SPTBN4: variants seen among roughly 807,000 people sequenced by gnomAD.
SPTBN4 encodes the protein spectrin beta chain, non-erythrocytic 4.
A neutral mutation model predicts 277.8 loss-of-function variants in SPTBN4; 96 were observed. The observed-to-expected ratio is 0.35, with a 90% CI of 0.29 to 0.41. The LOEUF is 0.41. Among genes scored for constraint, SPTBN4 ranks in the 10% least tolerant of loss-of-function variants. The probability of loss-of-function intolerance (pLI) is 1.00; values close to 1 mark genes in which losing one functional copy is unlikely to be tolerated. For missense variants in SPTBN4, 3,006 were observed against 3,595.7 expected (o/e 0.84, Z 4.19); for synonymous variants, 1,481 against 1,580.3 (o/e 0.94, Z 1.49).
intron 13 of SPTBN4, among the ~76,000 whole-genome samples, chr19:40,511,677 A>G (rs1446110691): frequency 1.3e-5 from 2 of 152,156 alleles, no homozygotes; most frequent in Non-Finnish European, 2.9e-5. Context: ...GCCAAGTGGA[A>G]GGATTGCTTG....
intron 11 of SPTBN4, 94 bp from the exon 12 acceptor site, chr19:40,503,736 G>T (rs941541669): frequency 7.4e-7 from 1 of 1,345,058 alleles, no homozygotes; most frequent in Non-Finnish European, 1.0e-6. Flanking sequence ...AGTCTCCAAG[G>T]TAATGGAGTG....
chr19:40,575,031 A>T (rs1466869122), intron 35 of SPTBN4, among the ~76,000 whole-genome samples: 1 of 151,640 alleles, frequency 6.6e-6, no homozygotes, highest in Non-Finnish European at 1.5e-5. Context: ...AAAAAAAAAA[A>T]AGTCTCTTAT....
rs186266074 is a variant in SPTBN4 at position 40,510,731 on chromosome 19, A to C, written c.1817-1875A>C. 3.3e-5 allele frequency among the ~76,000 whole-genome samples: 5 copies of C among 152,312 alleles called. No individual in the cohort carries two copies. The East Asian group carries it at 9.6e-4, about 29-fold the overall frequency. ...CAGTGTCTCACTTTTATGATCCAGT[A>C]AGAAATACACAGCCAGGCAGTGGCT... On this transcript the variant is annotated intron_variant, in intron 13 of 35. Coordinates refer to ENST00000598249, the MANE Select transcript of SPTBN4 (RefSeq NM_020971.3).
In SPTBN4 at chr19:40,502,919, C is replaced by T. The variant is rs760534763; in HGVS notation, c.1348C>T (p.Arg450Cys). ...MRESWLNENQRLVSQDNFGYE... is the reference protein window; with the variant it reads ...MRESWLNENQCLVSQDNFGYE... ...GGAGAGCTGGCTGAATGAGAACCAG[C>T]GTCTGGTCTCCCAGGTACAAGGTGT... The change falls in exon 11 of 36, where the codon CGT becomes TGT. Residue 450 changes from arginine (R) to cysteine (C), a missense_variant. Physicochemically the swap from Arg to Cys is radical, Grantham distance 180. This residue lies in a region of SPTBN4 where 1,759 missense variants were observed against 2,061.5 expected (regional missense o/e 0.85). Coordinates refer to ENST00000598249, the MANE Select transcript of SPTBN4 (RefSeq NM_020971.3). This position sits in a 1 kb window ranked among gnomAD's most constrained non-coding sequence, Gnocchi z 4.9. The T allele has an allele frequency of 8.0e-5, 129 of 1,613,544 alleles. No individual in the cohort carries two copies. The highest frequency in any genetic ancestry group is 1.0e-4 in the Non-Finnish European group (123 of 1,179,946).
rs939730702 is a variant in SPTBN4 at position 40,507,292 on chromosome 19, G to A, written c.1816+906G>A. ...ATTGTGCCACTAAACTCCAGCCTGGGCAACTGGACTGAGACCCTGTCAGCA... is the reference window on the plus strand; with the variant it reads ...ATTGTGCCACTAAACTCCAGCCTGGACAACTGGACTGAGACCCTGTCAGCA... On this transcript the variant is annotated intron_variant, in intron 13 of 35. Transcript: ENST00000598249. Among the ~76,000 whole-genome samples the A allele has an allele frequency of 1.2e-4, 18 of 151,892 alleles. 1 individual carries two copies. Among genetic ancestry groups the A allele is most frequent in the African/African-American group, 4.1e-4 (17 of 41,346 alleles).
At chr19:40,503,362 G>T (rs1364784505) in intron 11 of SPTBN4, among the ~76,000 whole-genome samples, 1 of 152,032 alleles carries the variant, frequency 6.6e-6, no homozygotes, top group Non-Finnish European at 1.5e-5. Context: ...GGTTAGAGAT[G>T]TAACAGGAGG....
intron 1 of SPTBN4, among the ~76,000 whole-genome samples, chr19:40,472,285 T>A (rs552616732): frequency 6.6e-6 from 1 of 152,072 alleles, no homozygotes; most frequent in African/African-American, 2.4e-5. Context: ...GCTCAAGCAA[T>A]CCGCCCTCCT....
In SPTBN4 at chr19:40,575,797, C is replaced by T; in HGVS notation, c.*228C>T. On this transcript the variant is annotated 3_prime_UTR_variant, in exon 36 of 36. Transcript: ENST00000598249. The stretch of plus-strand genomic sequence containing the variant: ...CCCCTTCCCACTCACCACCCCCACC[C>T]CAGGTGCTGGGGGTCCCTTATTTTT... The T allele has an allele frequency of 2.3e-6, 1 of 427,294 alleles. No homozygotes were observed. Among genetic ancestry groups the T allele is most frequent in the Non-Finnish European group, 4.1e-6 (1 of 246,418 alleles). The allele number at this position is 427,294 out of a possible 1,614,324, so 26.5% of individuals were successfully genotyped here. A position where few individuals can be genotyped will look rare whatever the true frequency, so the allele number is the denominator to read the frequency against.
In SPTBN4 at chr19:40,568,110, G is replaced by A; in HGVS notation, c.6784G>A (p.Ala2262Thr). Residue 2262 changes from alanine (A) to threonine (T), a missense_variant, in exon 31 of 36, where the codon GCG becomes ACG. This residue lies in a region of SPTBN4 where 630 missense variants were observed against 677.6 expected (regional missense o/e 0.93). Transcript: ENST00000598249. ...GTCAGTCGATCAATCCGAGGAGGCT[G>A]CGCGGAGGCGGCGGCCGGAGCGGCA... ...QESVDQSEEA[A>T]RRRRPERQES... 6.4e-7 allele frequency: 1 copy of A among 1,570,154 alleles called. No individual in the cohort carries two copies. Among genetic ancestry groups the A allele is most frequent in the Non-Finnish European group, 8.6e-7 (1 of 1,157,856 alleles).
intron 18 of SPTBN4, chr19:40,530,427 G>C: frequency 1.2e-6 from 1 of 869,408 alleles, no homozygotes; most frequent in Non-Finnish European, 1.4e-6. Flanking sequence ...GCAGGCAGGG[G>C]GCGCACGCGG....
At chr19:40,472,580 A>G (rs1599703553) in intron 1 of SPTBN4, 27 bp from the exon 2 acceptor site, 2 of 1,569,892 alleles carry the variant, frequency 1.3e-6, no homozygotes, top group African/African-American at 2.7e-5. Flanking sequence ...TTGATCCTAG[A>G]CCTAACCTAC....
chr19:40,558,165 C>A (rs1029550645), intron 26 of SPTBN4, among the ~76,000 whole-genome samples: 5 of 151,924 alleles, frequency 3.3e-5, no homozygotes, highest in Non-Finnish European at 7.4e-5. Context: ...CAAGACCAGT[C>A]TGACCAACAT....
intron 1 of SPTBN4, among the ~76,000 whole-genome samples, chr19:40,470,832 C>T (rs1185650244): frequency 6.6e-6 from 1 of 151,222 alleles, no homozygotes; most frequent in Admixed American, 6.6e-5. Flanking sequence ...CGGGTTTCAC[C>T]ATGTTGGCCA....
In SPTBN4 at chr19:40,557,007, C is replaced by G. The variant is rs199711291; in HGVS notation, c.5290-16C>G. On this transcript the variant is annotated splice_polypyrimidine_tract_variant and intron_variant, in intron 25 of 35. Transcript: ENST00000598249. Reference sequence around the variant, plus strand: ...GCTCACTTTGCTGTACCCCCCCCCCCACTTCCTGATGGCAGGTGCTGCAGG... The same window carrying G: ...GCTCACTTTGCTGTACCCCCCCCCCGACTTCCTGATGGCAGGTGCTGCAGG... The G allele has an allele frequency of 7.6e-5, 116 of 1,522,596 alleles. 1 individual carries two copies. In the East Asian group the frequency reaches 2.1e-3, roughly 28 times the overall value. 94.3% of individuals were successfully genotyped at this position (1,522,596 alleles called of 1,614,324 possible).
In SPTBN4 at chr19:40,560,299, T is replaced by C. The variant is rs747815611; in HGVS notation, c.5811T>C (p.His1937=). 8.1e-6 allele frequency: 13 copies of C among 1,613,994 alleles called. No individual in the cohort carries two copies. The highest frequency in any genetic ancestry group is 1.0e-5 in the Non-Finnish European group (12 of 1,180,008). ...LLSACEDARL[H]VSSTADALRF... is the part of the protein sequence containing the mutation. ...CAGCCTGTGAGGATGCCCGCCTGCA[T>C]GTCAGCTCCACAGCCGACGCCCTGC... The change falls in exon 27 of 36, where the codon CAT becomes CAC. Residue 1937 remains histidine (H), a synonymous_variant. Coordinates refer to ENST00000598249, the MANE Select transcript of SPTBN4 (RefSeq NM_020971.3). This position sits in a 1 kb window ranked among gnomAD's most constrained non-coding sequence, Gnocchi z 5.2.
intron 34 of SPTBN4, 61 bp downstream of exon 34, chr19:40,572,253 C>T: frequency 1.2e-6 from 2 of 1,602,274 alleles, no homozygotes; most frequent in South Asian, 1.1e-5. Context: ...CCCAGTGGGA[C>T]CCTGGCTTCC....
chr19:40,550,452 C>A, intron 22 of SPTBN4, 125 bp downstream of exon 22: 1 of 803,282 alleles, frequency 1.2e-6, no homozygotes. Context: ...CTGTGGACAG[C>A]AGATACAGAT....
intron 27 of SPTBN4, among the ~76,000 whole-genome samples, chr19:40,562,735 G>A (rs2081055501): frequency 6.6e-6 from 1 of 151,878 alleles, no homozygotes; most frequent in South Asian, 2.1e-4. Context: ...TTGGGAGGCT[G>A]AGGCAGGAGA....
intron 7 of SPTBN4, among the ~76,000 whole-genome samples, chr19:40,497,950 CT>C (rs2080219076): frequency 6.6e-6 from 1 of 151,870 alleles, no homozygotes; most frequent in Admixed American, 6.6e-5. Context: ...TCCCACTCCC[CT>C]ACCCCAGCCC....
Sources: allele counts gnomAD v4.1 joint callset (sites outside exome capture counted in the v4.1 genomes callset), GRCh38; gene constraint gnomAD v4.1.1; regional missense constraint gnomAD v4.1.1; non-coding constraint Gnocchi (gnomAD v3.1); transcripts MANE v1.5; gene names NCBI Gene and HGNC (gene_info 2026-07-23, HGNC 2026-07-21).